SPMIP3: variants seen among roughly 807,000 people sequenced by gnomAD.
SPMIP3 encodes the protein protein SPMIP3.
chr1:244,375,483 A>G, the SPMIP3 span: 7 of 1,596,716 alleles, frequency 4.4e-6, no homozygotes, highest in South Asian at 1.1e-5. Flanking sequence ...ACACCTCCTC[A>G]ATCCCAATGT....
At chr1:244,359,156 A>AC in the SPMIP3 span, among the ~76,000 whole-genome samples, 1 of 151,522 alleles carries the variant, frequency 6.6e-6, no homozygotes, top group Middle Eastern at 3.4e-3. Flanking sequence ...AAAAAAAAAA[A>AC]AGTGATTTGG....
At chr1:244,361,927 C>T in the SPMIP3 span, among the ~76,000 whole-genome samples, 2 of 152,134 alleles carry the variant, frequency 1.3e-5, no homozygotes. Context: ...ACGAAGCTTT[C>T]GGAGTTCGGG....
the SPMIP3 span, among the ~76,000 whole-genome samples, chr1:244,356,606 T>G: frequency 2.0e-5 from 3 of 152,224 alleles, no homozygotes; most frequent in South Asian, 2.1e-4. Flanking sequence ...ACCTCAGTGG[T>G]CTGGGGGCCA....
chr1:244,386,740 C>T, the SPMIP3 span, among the ~76,000 whole-genome samples: 1 of 152,150 alleles, frequency 6.6e-6, no homozygotes, highest in Non-Finnish European at 1.5e-5. Context: ...AGTCATACTC[C>T]TTGGGTTAGT....
chr1:244,380,850 G>C, the SPMIP3 span, among the ~76,000 whole-genome samples: 1 of 152,074 alleles, frequency 6.6e-6, no homozygotes, highest in Non-Finnish European at 1.5e-5. Context: ...GTGGATCTTG[G>C]GGGAGTTGAG....
At chr1:244,372,610 A>AT in the SPMIP3 span, among the ~76,000 whole-genome samples, 493 of 151,640 alleles carry the variant, frequency 3.3e-3, 17 homozygotes, top group South Asian at 0.088. Flanking sequence ...CACCTGGCTA[A>AT]TTTTTTGTAT....
chr1:244,373,911 T>C, the SPMIP3 span, among the ~76,000 whole-genome samples: 2 of 151,984 alleles, frequency 1.3e-5, no homozygotes, highest in African/African-American at 2.4e-5. Context: ...GCCAGGAGTT[T>C]GAGACCATCC....
At chr1:244,371,658 T>C in the SPMIP3 span, among the ~76,000 whole-genome samples, 1 of 152,158 alleles carries the variant, frequency 6.6e-6, no homozygotes, top group African/African-American at 2.4e-5. Flanking sequence ...AGGTGTTTGT[T>C]TGTATGCACG....
chr1:244,365,752 CA>C, the SPMIP3 span, among the ~76,000 whole-genome samples: 4 of 152,110 alleles, frequency 2.6e-5, no homozygotes, highest in East Asian at 7.7e-4. Context: ...TCCAAATTCC[CA>C]AAAGACCAGA....
the SPMIP3 span, chr1:244,375,486 C>G: frequency 1.3e-6 from 2 of 1,592,416 alleles, no homozygotes; most frequent in African/African-American, 2.7e-5. Context: ...CCTCCTCAAT[C>G]CCAATGTCCA....
the SPMIP3 span, among the ~76,000 whole-genome samples, chr1:244,377,979 T>C: frequency 6.6e-6 from 1 of 152,142 alleles, no homozygotes; most frequent in Non-Finnish European, 1.5e-5. Flanking sequence ...CTAATTTTTG[T>C]ATTTTTTTGT....
the SPMIP3 span, chr1:244,364,672 C>T: frequency 2.5e-5 from 41 of 1,608,012 alleles, no homozygotes; most frequent in Non-Finnish European, 3.3e-5. Flanking sequence ...TCCTTTATGC[C>T]ATAATTTTTT....
chr1:244,383,246 G>A, the SPMIP3 span, among the ~76,000 whole-genome samples: 2 of 152,246 alleles, frequency 1.3e-5, no homozygotes, highest in East Asian at 3.9e-4. Flanking sequence ...GTGTGGTGGT[G>A]CATGCCTGTA....
At chr1:244,382,750 C>G in the SPMIP3 span, among the ~76,000 whole-genome samples, 1 of 151,608 alleles carries the variant, frequency 6.6e-6, no homozygotes, top group African/African-American at 2.4e-5. Flanking sequence ...ACTACAGGCG[C>G]GCACCACCAG....
chr1:244,378,919 T>TATTTATTTATTTA, the SPMIP3 span, among the ~76,000 whole-genome samples: 5 of 151,816 alleles, frequency 3.3e-5, no homozygotes, highest in African/African-American at 4.8e-5. Context: ...TTCTTTTATC[T>TATTTATTTATTTA]TTTATTTATT....
the SPMIP3 span, among the ~76,000 whole-genome samples, chr1:244,370,765 G>A: frequency 6.6e-6 from 1 of 152,196 alleles, no homozygotes; most frequent in African/African-American, 2.4e-5. Flanking sequence ...CCCTCGGGTG[G>A]CAGAATAGCG....
At chr1:244,374,045 G>A in the SPMIP3 span, among the ~76,000 whole-genome samples, 54,626 of 151,888 alleles carry the variant, frequency 0.36, 10,565 homozygotes, top group Admixed American at 0.51. Context: ...CTCAGGAGGC[G>A]GAGGTTGCAG....
chr1:244,358,607 ATGTG>A, the SPMIP3 span, among the ~76,000 whole-genome samples: 2 of 101,612 alleles, frequency 2.0e-5, no homozygotes, highest in African/African-American at 6.4e-5. Context: ...TTAAGTATGT[ATGTG>A]TATGTGTGTG....
chr1:244,389,164 T>C, the SPMIP3 span: 16 of 857,800 alleles, frequency 1.9e-5, no homozygotes, highest in Middle Eastern at 5.6e-4. Flanking sequence ...TCAGTGTGTA[T>C]ACAGATGGCT....
Sources: allele counts gnomAD v4.1 joint callset (sites outside exome capture counted in the v4.1 genomes callset), GRCh38; gene constraint gnomAD v4.1.1; transcripts MANE v1.5; gene names NCBI Gene and HGNC (gene_info 2026-07-23, HGNC 2026-07-21).